Variants in CASR observed in about 807,000 individuals in gnomAD.
CASR encodes extracellular calcium-sensing receptor.
Under a neutral mutation model 69.1 loss-of-function variants are expected in CASR, and 23 were observed. The ratio of observed to expected loss-of-function variants is 0.33; its 90% CI spans 0.24 to 0.47. The LOEUF (loss-of-function observed/expected upper bound fraction) is 0.47. Ranked by LOEUF, CASR falls within the 20% of genes least tolerant of loss-of-function variation. The probability of loss-of-function intolerance (pLI) is 1.00; values close to 1 mark genes in which losing one functional copy is unlikely to be tolerated. For missense variants in CASR, 924 were observed against 1,356.1 expected (o/e 0.68, Z 5.00); for synonymous variants, 541 against 544.7 (o/e 0.99, Z 0.10).
At chr3:122,232,084 G>A (rs1306644012) in intron 1 of CASR, among the ~76,000 whole-genome samples, 2 of 152,256 alleles carry the variant, frequency 1.3e-5, no homozygotes, top group African/African-American at 4.8e-5. Flanking sequence ...TCAGCTTGTT[G>A]TATTCTTTCC....
At chr3:122,212,436 A>G (rs1285437395) in intron 1 of CASR, among the ~76,000 whole-genome samples, 2 of 152,198 alleles carry the variant, frequency 1.3e-5, no homozygotes, top group African/African-American at 4.8e-5. Flanking sequence ...ACATCAGGAT[A>G]AATAGCTAAT....
intron 1 of CASR, among the ~76,000 whole-genome samples, chr3:122,188,777 T>G (rs150714543): frequency 6.6e-6 from 1 of 152,304 alleles, no homozygotes; most frequent in East Asian, 1.9e-4. Flanking sequence ...TTTTTTCTCC[T>G]TTTTCTCATG....
chr3:122,229,856 ACT>A (rs1559945780), intron 1 of CASR, among the ~76,000 whole-genome samples: 1 of 152,060 alleles, frequency 6.6e-6, no homozygotes, highest in African/African-American at 2.4e-5. Context: ...ACAGAGTGAG[ACT>A]CTGTTTTAAA....
rs572570032 is a variant in CASR at position 122,255,546 on chromosome 3, G to A, written c.185+1172G>A. Among the ~76,000 whole-genome samples the A allele has an allele frequency of 6.6e-5, 10 of 152,280 alleles. No individual in the cohort carries two copies. The South Asian group carries it at 1.2e-3, about 19-fold the overall frequency. On this transcript the variant is annotated intron_variant, in intron 2 of 6. Coordinates refer to ENST00000639785, the MANE Select transcript of CASR (RefSeq NM_000388.4). ...CATAACCCATGTGGACAAATACTCTGTTGTACCCTGCTGCACAGAGCTGTA... is the reference window on the plus strand; with the variant it reads ...CATAACCCATGTGGACAAATACTCTATTGTACCCTGCTGCACAGAGCTGTA...
chr3:122,229,881 A>T (rs780870674), intron 1 of CASR, among the ~76,000 whole-genome samples: 7 of 152,152 alleles, frequency 4.6e-5, no homozygotes, highest in Non-Finnish European at 8.8e-5. Context: ...AATAAATAAA[A>T]AAGGAAGCCT....
At chr3:122,187,092 T>A (rs2073793371) in intron 1 of CASR, among the ~76,000 whole-genome samples, 1 of 152,214 alleles carries the variant, frequency 6.6e-6, no homozygotes, top group Non-Finnish European at 1.5e-5. Flanking sequence ...ATGTGAATCA[T>A]CCATATTCCC....
Position 122,262,198 on chromosome 3 carries a change from C to G in CASR, c.1163C>G (p.Ser388Trp), listed in dbSNP as rs377282860. 4 of 1,614,190 alleles carry G rather than the reference C, an allele frequency of 2.5e-6. No individual in the cohort carries two copies. In the Admixed American group the frequency reaches 6.7e-5, roughly 27 times the overall value. The change falls in exon 4 of 7, where the codon TCG becomes TGG. Residue 388 changes from serine to tryptophan, a missense_variant. Coordinates refer to ENST00000639785, the MANE Select transcript of CASR (RefSeq NM_000388.4). The stretch of plus-strand genomic sequence containing the variant: ...AGTGGCGACAGGTTTAGCAACAGCT[C>G]GACAGCCTTCCGACCCCTCTGTACA... ...EESGDRFSNS[S>W]TAFRPLCTGD...
chr3:122,224,193 G>A (rs1290038404), intron 1 of CASR, among the ~76,000 whole-genome samples: 1 of 152,178 alleles, frequency 6.6e-6, no homozygotes, highest in Non-Finnish European at 1.5e-5. Flanking sequence ...CCTAGCCAGT[G>A]CAATCAGGCA....
chr3:122,212,969 C>T (rs1263580672), intron 1 of CASR, among the ~76,000 whole-genome samples: 1 of 152,122 alleles, frequency 6.6e-6, no homozygotes, highest in Non-Finnish European at 1.5e-5. Flanking sequence ...AAGCAAGTTA[C>T]TTCATTGTTC....
chr3:122,217,107 A>AT (rs1302853063), intron 1 of CASR, among the ~76,000 whole-genome samples: 6 of 118,058 alleles, frequency 5.1e-5, no homozygotes, highest in Non-Finnish European at 9.0e-5. Flanking sequence ...GGGAAAGTAA[A>AT]ATTTTTTTTT....
intron 4 of CASR, among the ~76,000 whole-genome samples, chr3:122,274,463 G>A (rs955035731): frequency 7.2e-5 from 11 of 152,346 alleles, no homozygotes; most frequent in African/African-American, 2.2e-4. Flanking sequence ...TGGGACAGGA[G>A]AGGTACTGGC....
At chr3:122,244,616 T>C (rs1440776299) in intron 1 of CASR, among the ~76,000 whole-genome samples, 1 of 152,132 alleles carries the variant, frequency 6.6e-6, no homozygotes, top group Non-Finnish European at 1.5e-5. Context: ...AGGTAATGAC[T>C]CTAGGGAGGC....
At chr3:122,201,640 C>G (rs1333275942) in intron 1 of CASR, among the ~76,000 whole-genome samples, 1 of 80,378 alleles carries the variant, frequency 1.2e-5, no homozygotes, top group Non-Finnish European at 3.4e-5. Context: ...GACCCCCCAC[C>G]TCCCTCCCGG....
chr3:122,237,697 A>G lies in CASR; in HGVS notation c.-242-16251A>G, dbSNP rs528884075. On this transcript the variant is annotated intron_variant, in intron 1 of 6. Transcript: ENST00000639785. ...TGAAGCTTAAAACAACTAAAATTTTAAATACATTTTGGGAACATAGGTAGA... is the reference window on the plus strand; with the variant it reads ...TGAAGCTTAAAACAACTAAAATTTTGAATACATTTTGGGAACATAGGTAGA... Among the ~76,000 whole-genome samples, 6 of 152,350 alleles carry G rather than the reference A, an allele frequency of 3.9e-5. No individual in the cohort carries two copies. The South Asian group carries it at 1.2e-3, about 32-fold the overall frequency.
chr3:122,191,261 G>A (rs1334949593), intron 1 of CASR, among the ~76,000 whole-genome samples: 1 of 152,166 alleles, frequency 6.6e-6, no homozygotes, highest in African/African-American at 2.4e-5. Context: ...GGAAAATATT[G>A]ATAGATTTCA....
At chr3:122,211,869 C>T (rs1339645894) in intron 1 of CASR, among the ~76,000 whole-genome samples, 2 of 152,230 alleles carry the variant, frequency 1.3e-5, no homozygotes, top group African/African-American at 2.4e-5. Context: ...GATATTATCT[C>T]ATGCCAGTCG....
chr3:122,209,906 AT>A (rs745634596), intron 1 of CASR, among the ~76,000 whole-genome samples: 63 of 152,348 alleles, frequency 4.1e-4, no homozygotes, highest in Non-Finnish European at 5.7e-4. Context: ...AGTGGGCTTC[AT>A]CCCCAGGATG....
intron 1 of CASR, among the ~76,000 whole-genome samples, chr3:122,236,345 C>A (rs778914384): frequency 2.6e-5 from 4 of 152,196 alleles, no homozygotes; most frequent in Non-Finnish European, 4.4e-5. Context: ...AAAATTCATT[C>A]TTTAAATGCT....
chr3:122,267,086 G>A (rs1234960125), intron 4 of CASR, among the ~76,000 whole-genome samples: 1 of 152,126 alleles, frequency 6.6e-6, no homozygotes, highest in Admixed American at 6.5e-5. Flanking sequence ...TGCTTTTTTT[G>A]TGGATCAATC....
Sources: gnomAD v4.1 joint callset for allele counts (sites outside exome capture counted in the v4.1 genomes callset) on GRCh38, gnomAD v4.1.1 for gene constraint, MANE v1.5 for transcripts, NCBI Gene and HGNC (gene_info 2026-07-23, HGNC 2026-07-21) for gene names.